FGGY: variants seen among roughly 807,000 people sequenced by gnomAD.
FGGY encodes FGGY carbohydrate kinase domain-containing protein.
FGGY carries 72 observed loss-of-function variants against 71.3 expected under a neutral mutation model. The observed-to-expected ratio is 1.01, with a 90% CI of 0.84 to 1.23. FGGY has a LOEUF of 1.23. Ranked by LOEUF, FGGY falls within the 50% of genes most tolerant of loss-of-function variation. The pLI is 0.00. For synonymous variants in FGGY, 251 were observed against 250.3 expected, an observed-to-expected ratio of 1.00 and a Z score of -0.02; for missense variants, 668 against 682.3, an observed-to-expected ratio of 0.98 and a Z score of 0.23.
chr1:59,428,341 G>C (rs1452686978), intron 5 of FGGY, among the ~76,000 whole-genome samples: 2 of 152,152 alleles, frequency 1.3e-5, no homozygotes, highest in African/African-American at 4.8e-5. Context: ...TAAATGACTT[G>C]CCAAGGTCAC....
intron 5 of FGGY, among the ~76,000 whole-genome samples, chr1:59,419,622 C>G (rs1261312120): frequency 6.6e-6 from 1 of 152,084 alleles, no homozygotes; most frequent in Non-Finnish European, 1.5e-5. Flanking sequence ...GAAGAGTTGA[C>G]TTCTAAATGG....
chr1:59,379,478 C>A (rs2059114629), intron 5 of FGGY, among the ~76,000 whole-genome samples: 1 of 151,986 alleles, frequency 6.6e-6, no homozygotes, highest in African/African-American at 2.4e-5. Context: ...AAGTAGTATA[C>A]TCATATAGGG....
intron 14 of FGGY, among the ~76,000 whole-genome samples, chr1:59,734,243 G>A (rs554384025): frequency 1.3e-5 from 2 of 152,312 alleles, no homozygotes; most frequent in South Asian, 4.1e-4. Flanking sequence ...TTGCTCTGGT[G>A]ACCAGACTGG....
chr1:59,361,168 C>T (rs74669967), intron 4 of FGGY, among the ~76,000 whole-genome samples: 3,738 of 152,222 alleles, frequency 0.025, 177 homozygotes, highest in African/African-American at 0.086. Flanking sequence ...TAACAAGTTC[C>T]TGCCGGAGTT....
intron 14 of FGGY, chr1:59,680,768 T>C (rs2097490045): frequency 6.6e-6 from 1 of 152,210 alleles, no homozygotes; most frequent in Admixed American, 6.5e-5. Flanking sequence ...CAGCAATCTT[T>C]GTGCAGATGA....
intron 10 of FGGY, among the ~76,000 whole-genome samples, chr1:59,628,559 G>A (rs938686354): frequency 6.6e-6 from 1 of 152,106 alleles, no homozygotes; most frequent in Non-Finnish European, 1.5e-5. Context: ...TGTTATTTAT[G>A]GCAATTTCTT....
chr1:59,365,107 A>C (rs531288007), intron 4 of FGGY, among the ~76,000 whole-genome samples: 1 of 152,206 alleles, frequency 6.6e-6, no homozygotes, highest in South Asian at 2.1e-4. Flanking sequence ...GTCTCAGAGG[A>C]GAGTTTGAAT....
intron 10 of FGGY, among the ~76,000 whole-genome samples, chr1:59,628,802 T>C (rs1317914536): frequency 4.6e-5 from 7 of 152,190 alleles, no homozygotes; most frequent in African/African-American, 1.7e-4. Context: ...ACTAATAGAC[T>C]CTGAAGCCAA....
intron 6 of FGGY, among the ~76,000 whole-genome samples, chr1:59,488,725 C>T (rs2093732960): frequency 6.6e-6 from 1 of 151,720 alleles, no homozygotes; most frequent in African/African-American, 2.4e-5. Flanking sequence ...TTTCTTGTAT[C>T]ATTTAAATTT....
intron 4 of FGGY, among the ~76,000 whole-genome samples, chr1:59,357,033 C>G (rs1361950279): frequency 3.3e-5 from 5 of 152,158 alleles, no homozygotes; most frequent in Admixed American, 3.3e-4. Context: ...CCAGATTCCT[C>G]CCAGCCTTTG....
chr1:59,582,667 C>T (rs987357917), intron 8 of FGGY, among the ~76,000 whole-genome samples: 3 of 144,274 alleles, frequency 2.1e-5, no homozygotes, highest in South Asian at 2.4e-4. Context: ...TATCTATGTG[C>T]ATCCATGGTA....
At chr1:59,509,210 C>T (rs530088647) in intron 6 of FGGY, among the ~76,000 whole-genome samples, 66 of 152,276 alleles carry the variant, frequency 4.3e-4, no homozygotes, top group African/African-American at 1.5e-3. Context: ...TCCACGCAAC[C>T]ACTGTGACCT....
At chr1:59,510,210 T>C (rs2094487149) in intron 6 of FGGY, among the ~76,000 whole-genome samples, 1 of 152,166 alleles carries the variant, frequency 6.6e-6, no homozygotes, top group Admixed American at 6.5e-5. Flanking sequence ...TGTCTTCAGC[T>C]CTTAGGCTGT....
intron 12 of FGGY, among the ~76,000 whole-genome samples, chr1:59,665,920 G>T: frequency 6.6e-6 from 1 of 152,152 alleles, no homozygotes; most frequent in African/African-American, 2.4e-5. Flanking sequence ...TGATCCGCCC[G>T]CCTTGGCCTC....
At chr1:59,688,717 A>G (rs1041664088) in intron 14 of FGGY, among the ~76,000 whole-genome samples, 11 of 151,618 alleles carry the variant, frequency 7.3e-5, no homozygotes, top group Non-Finnish European at 1.5e-5. Flanking sequence ...CAAGAACTGG[A>G]CCATATGTAG....
intron 2 of FGGY, among the ~76,000 whole-genome samples, chr1:59,338,001 C>T (rs566246619): frequency 6.6e-6 from 1 of 152,172 alleles, no homozygotes; most frequent in African/African-American, 2.4e-5. Context: ...TGTAGATGCT[C>T]CTTATCAGGT....
At chr1:59,313,743 G>A (rs568139322) in intron 1 of FGGY, among the ~76,000 whole-genome samples, 2 of 152,310 alleles carry the variant, frequency 1.3e-5, no homozygotes, top group Admixed American at 1.3e-4. Flanking sequence ...CTCATAAGTG[G>A]GAGCTAAGCT....
At chr1:59,612,301 G>A (rs1162711063) in intron 9 of FGGY, among the ~76,000 whole-genome samples, 2 of 152,204 alleles carry the variant, frequency 1.3e-5, no homozygotes, top group African/African-American at 2.4e-5. Flanking sequence ...TGATCTCTCG[G>A]CAGAAACTCT....
chr1:59,503,834 T>C (rs1323870309), intron 6 of FGGY, among the ~76,000 whole-genome samples: 5 of 151,970 alleles, frequency 3.3e-5, no homozygotes, highest in Non-Finnish European at 5.9e-5. Flanking sequence ...TATTATAACA[T>C]TGGGGCACTT....
Sources: allele counts gnomAD v4.1 joint callset (sites outside exome capture counted in the v4.1 genomes callset), GRCh38; gene constraint gnomAD v4.1.1; transcripts MANE v1.5; gene names NCBI Gene and HGNC (gene_info 2026-07-23, HGNC 2026-07-21).